The following TTC19 variants were observed in gnomAD, a reference collection of about 807,000 sequenced individuals.
TTC19 encodes the protein tetratricopeptide repeat protein 19, mitochondrial.
A neutral mutation model predicts 49.5 loss-of-function variants in TTC19; 38 were observed. The observed-to-expected ratio is 0.77, with a 90% confidence interval of 0.59 to 1.01. The LOEUF (loss-of-function observed/expected upper bound fraction) is 1.01, where lower values mean the gene tolerates loss of function less well. Among genes scored for constraint, TTC19 ranks in the 50% least tolerant of loss-of-function variants. TTC19 has a pLI of 0.00. For missense variants in TTC19, 475 were observed against 477.7 expected, an observed-to-expected ratio of 0.99 and a Z score of 0.05; for synonymous variants, 204 against 185.2, an observed-to-expected ratio of 1.10 and a Z score of -0.83.
At chr17:16,037,438 T>C (rs976789719) in intron 2 of TTC19, among the ~76,000 whole-genome samples, 3 of 151,102 alleles carry the variant, frequency 2.0e-5, no homozygotes, top group African/African-American at 7.3e-5. Flanking sequence ...TAAAACGAGG[T>C]ATGCTTGCAT....
At chr17:16,038,356 A>G (rs193182255) in intron 2 of TTC19, among the ~76,000 whole-genome samples, 15 of 152,314 alleles carry the variant, frequency 9.8e-5, no homozygotes, top group African/African-American at 2.6e-4. Flanking sequence ...GTCTGAAACA[A>G]TGCTTATCAG....
chr17:16,032,510 T>C (rs1972259811), downstream of TTC19: 2 of 1,557,794 alleles, frequency 1.3e-6, no homozygotes, highest in Non-Finnish European at 8.7e-7. Flanking sequence ...TAGGTTTTCA[T>C]TGTCATGAAC....
intron 7 of TTC19, among the ~76,000 whole-genome samples, chr17:16,009,399 C>T (rs558650897): frequency 4.1e-4 from 62 of 152,274 alleles, no homozygotes; most frequent in African/African-American, 1.2e-3. Context: ...TTTATTACTA[C>T]GGCTTTTCGG....
exon 3 of TTC19, chr17:16,044,884 C>G (rs1217835734): frequency 2.7e-6 from 2 of 749,490 alleles, no homozygotes; most frequent in Non-Finnish European, 4.6e-6. Flanking sequence ...GCTGCTCCAG[C>G]TGAGAAGAAA....
At chr17:16,031,553 A>C (rs1567597170), downstream of TTC19, 1 of 216,994 alleles carries the variant, frequency 4.6e-6, no homozygotes, top group East Asian at 6.8e-5. Context: ...AACTTTATAA[A>C]CTGAACTAGA....
intron 9 of TTC19, chr17:16,026,996 G>C (rs1437891506): frequency 1.9e-6 from 1 of 527,594 alleles, no homozygotes; most frequent in South Asian, 2.0e-5. Flanking sequence ...AATGTGTTCA[G>C]TTACAATGTG....
At chr17:16,016,707 A>G (rs4791659) in intron 7 of TTC19, among the ~76,000 whole-genome samples, 25,060 of 151,668 alleles carry the variant, frequency 0.17, 4,703 homozygotes, top group African/African-American at 0.46. Flanking sequence ...ACAGGTGTGC[A>G]CCACTGCATC....
At chr17:16,016,554 T>A (rs1350748224) in intron 7 of TTC19, among the ~76,000 whole-genome samples, 14 of 139,394 alleles carry the variant, frequency 1.0e-4, no homozygotes, top group Admixed American at 9.8e-4. Flanking sequence ...TTGTTCTAAT[T>A]TTTTTTTTTT....
At position 16,015,818 on chromosome 17, in the gene TTC19, A is replaced by G. The variant is rs966467983; in HGVS notation, c.677-9199A>G. On this transcript the variant is annotated intron_variant, in intron 7 of 9. Transcript: ENST00000261647. ...ACCAGTACTCATTAGGCACTATTATATAAGAGTTTGTGGAATGTGATATAT... is the reference window on the plus strand; with the variant it reads ...ACCAGTACTCATTAGGCACTATTATGTAAGAGTTTGTGGAATGTGATATAT... 4.6e-5 allele frequency among the ~76,000 whole-genome samples: 7 copies of G among 152,178 alleles called. No homozygotes were observed. The South Asian group carries it at 6.2e-4, about 13-fold the overall frequency.
chr17:16,040,078 C>T, intron 2 of TTC19: 1 of 457,396 alleles, frequency 2.2e-6, no homozygotes, highest in Non-Finnish European at 4.3e-6. Flanking sequence ...GCGTGAGCCA[C>T]CGCACCCAGC....
chr17:16,017,448 C>CAAAAAA (rs372559333), intron 7 of TTC19, among the ~76,000 whole-genome samples: 1 of 53,700 alleles, frequency 1.9e-5, no homozygotes, highest in African/African-American at 5.2e-5. Context: ...GACTCCGGCT[C>CAAAAAA]AAAAAAAAAA....
In TTC19 at chr17:16,002,004, C is replaced by T; in HGVS notation, c.402C>T (p.Ala134=). 6.2e-7 allele frequency: 1 copy of T among 1,612,206 alleles called. No individual in the cohort carries two copies. The change falls in exon 3 of 10, where the codon GCC becomes GCT. Residue 134 remains alanine, a synonymous_variant. Transcript: ENST00000261647. ...RLAYQTDNKK[A]ITYTYDLMAN... The stretch of plus-strand genomic sequence containing the variant: ...CCTATCAGACTGATAACAAGAAGGC[C>T]ATCACTTACACTTATGATTTGGTAA...
intron 7 of TTC19, among the ~76,000 whole-genome samples, chr17:16,012,987 G>C (rs1484562931): frequency 6.6e-6 from 1 of 152,188 alleles, no homozygotes; most frequent in Non-Finnish European, 1.5e-5. Context: ...AGGATCGCTT[G>C]AGCCTAGGAG....
At position 16,028,775 on chromosome 17, in the gene TTC19, T is replaced by C. The variant is rs534882310; in HGVS notation, c.*1253T>C. ...GAAGAATCTTCATAATAAATGAGAC[T>C]ACACAACAATATTGTATGTATCCCA... is the stretch of plus-strand genomic sequence containing the variant. On this transcript the variant is annotated 3_prime_UTR_variant, in exon 10 of 10. Coordinates refer to ENST00000261647, the MANE Select transcript of TTC19 (RefSeq NM_017775.4). The C allele has an allele frequency of 9.7e-4, 401 of 413,758 alleles. 5 individuals are homozygous for C. The Admixed American group carries it at 0.011, about 11-fold the overall frequency. The allele number at this position is 413,758 out of a possible 1,614,324, so 25.6% of individuals were successfully genotyped here. A position where few individuals can be genotyped will look rare whatever the true frequency, so the allele number is the denominator to read the frequency against.
In TTC19 at chr17:16,000,238, G is replaced by A. The variant is rs1567575360; in HGVS notation, c.305G>A (p.Arg102Gln). ...AEAEIIQLLK[R>Q]AKLSIMKDEP... Reference sequence around the variant, plus strand: ...GCAGAGATCATCCAGCTGCTGAAGCGAGCCAAGGTGAGGCGGCTCCGGGCC... The same window carrying A: ...GCAGAGATCATCCAGCTGCTGAAGCAAGCCAAGGTGAGGCGGCTCCGGGCC... The change falls in exon 2 of 10, where the codon CGA becomes CAA. Residue 102 changes from arginine to glutamine, a missense_variant. Arg to Gln is a conservative substitution (Grantham distance 43, BLOSUM62 1). Coordinates refer to ENST00000261647, the MANE Select transcript of TTC19 (RefSeq NM_017775.4). 3.1e-6 allele frequency: 5 copies of A among 1,595,184 alleles called. No individual in the cohort carries two copies. The Admixed American group carries it at 6.7e-5, about 21-fold the overall frequency.
intron 6 of TTC19, 78 bp from the exon 7 acceptor site, chr17:16,006,396 G>T (rs1970908726): frequency 3.7e-6 from 4 of 1,084,024 alleles, no homozygotes; most frequent in Non-Finnish European, 5.7e-6. Context: ...GGCAACAAGA[G>T]CGAAACTCCA....
Position 16,038,435 on chromosome 17 carries a change from C to CT in TTC19, c.248-6057dup, listed in dbSNP as rs34997322. Among the ~76,000 whole-genome samples the CT allele has an allele frequency of 6.9e-4, 103 of 149,422 alleles. 1 individual carries two copies. The highest frequency in any genetic ancestry group is 5.5e-3 in the South Asian group (26 of 4,702). On this transcript the variant is annotated intron_variant, in intron 2 of 2. Transcript: ENST00000470649. Reference sequence around the variant, plus strand: ...TTCTTTTTCTTCCCTTTTTCCTACTCTTTTTTTTTTTCCTTTTTTGAGACA... The same window carrying CT: ...TTCTTTTTCTTCCCTTTTTCCTACTCTTTTTTTTTTTTCCTTTTTTGAGACA...
chr17:16,032,389 T>C (rs967340569), downstream of TTC19: 4 of 1,614,134 alleles, frequency 2.5e-6, no homozygotes, highest in Non-Finnish European at 2.5e-6. Context: ...GAGGAGCTGC[T>C]TGGTTCACCG....
chr17:16,023,086 C>T (rs1971435139), intron 7 of TTC19, among the ~76,000 whole-genome samples: 1 of 152,234 alleles, frequency 6.6e-6, no homozygotes, highest in South Asian at 2.1e-4. Flanking sequence ...TTTCTCTTGG[C>T]AGTTGCTAAA....
Sources: gnomAD v4.1 joint callset for allele counts (sites outside exome capture counted in the v4.1 genomes callset) on GRCh38, gnomAD v4.1.1 for gene constraint, MANE v1.5 for transcripts, NCBI Gene and HGNC (gene_info 2026-07-23, HGNC 2026-07-21) for gene names.